The following NCOR2 variants were observed in gnomAD, a reference collection of about 807,000 sequenced individuals.
NCOR2 encodes nuclear receptor corepressor 2.
A neutral mutation model predicts 262.9 loss-of-function variants in NCOR2; 81 were observed. The ratio of observed to expected loss-of-function variants is 0.31; its 90% CI spans 0.26 to 0.37. The LOEUF (loss-of-function observed/expected upper bound fraction) is 0.37, where lower values mean the gene tolerates loss of function less well. NCOR2 is among the 10% of genes least tolerant of loss of function. The pLI, the probability that NCOR2 is intolerant of heterozygous loss-of-function variation, is 1.00. For synonymous variants in NCOR2, 1,659 were observed against 1,559.3 expected (o/e 1.06, Z -1.51); for missense variants, 3,385 against 3,621.4 (o/e 0.93, Z 1.68).
chr12:124,446,360 G>A (rs976788118), intron 7 of NCOR2, among the ~76,000 whole-genome samples: 1 of 152,036 alleles, frequency 6.6e-6, no homozygotes, highest in Non-Finnish European at 1.5e-5. Flanking sequence ...TTGCTTCCTG[G>A]GATAAACTTC....
intron 1 of NCOR2, among the ~76,000 whole-genome samples, chr12:124,516,384 G>C (rs1279171426): frequency 1.3e-5 from 2 of 152,164 alleles, no homozygotes; most frequent in Non-Finnish European, 2.9e-5. Context: ...GGCAGGCATG[G>C]GGGGAGACCT....
At chr12:124,558,814 G>A (rs987327863) in intron 1 of NCOR2, among the ~76,000 whole-genome samples, 2 of 152,116 alleles carry the variant, frequency 1.3e-5, no homozygotes, top group Non-Finnish European at 1.5e-5. Context: ...GCCCCTGAAT[G>A]CCCTTCACTT....
intron 11 of NCOR2, 132 bp from the exon 14 acceptor site, chr12:124,422,687 A>T: frequency 3.1e-6 from 3 of 955,042 alleles, no homozygotes; most frequent in East Asian, 2.9e-5. Context: ...GGAGCAATTA[A>T]GCCCAGGGGG....
At chr12:124,462,669 G>T (rs567001058) in intron 5 of NCOR2, among the ~76,000 whole-genome samples, 1 of 152,354 alleles carries the variant, frequency 6.6e-6, no homozygotes, top group East Asian at 1.9e-4. Context: ...GACGGGGTCT[G>T]AAGCACTGCT....
Position 124,331,906 on chromosome 12 carries a change from C to T in NCOR2, c.6904+413G>A, listed in dbSNP as rs373717755. 3.3e-5 allele frequency: 6 copies of T among 179,310 alleles called. No individual in the cohort carries two copies. The East Asian group carries it at 7.9e-4, about 24-fold the overall frequency. The allele number at this position is 179,310 out of a possible 1,614,324, so 11.1% of individuals were successfully genotyped here. On this transcript the variant is annotated intron_variant, in intron 43 of 46. Coordinates refer to ENST00000405201, the Ensembl canonical transcript of NCOR2. ...ACGTATTCCCTGGTGGATCTGCTAACTGCCAGGCGCTGTGCTAGGGACTGG... is the reference window on the plus strand; with the variant it reads ...ACGTATTCCCTGGTGGATCTGCTAATTGCCAGGCGCTGTGCTAGGGACTGG...
intron 28 of NCOR2, among the ~76,000 whole-genome samples, chr12:124,350,238 T>A (rs1170160349): frequency 6.6e-6 from 1 of 152,156 alleles, no homozygotes; most frequent in South Asian, 2.1e-4. Context: ...ACTCTGGCCA[T>A]GGCCTCTTTC....
exon 20 of NCOR2, chr12:124,372,111 G>C (rs935922536): frequency 6.2e-7 from 1 of 1,602,640 alleles, no homozygotes. Flanking sequence ...CCGAGCTCTT[G>C]GCTGTGGTGG....
In NCOR2 at chr12:124,396,714, C is replaced by T. The variant is rs560000119; in HGVS notation, c.1876+1405G>A. On this transcript the variant is annotated intron_variant, in intron 16 of 46. Coordinates refer to ENST00000405201, the Ensembl canonical transcript of NCOR2. ...ACTGCCCCCGGAGGAGCTCTGAGGG[C>T]GAGGGGCAGGGTCCCGGGGTGAGGG... 4.5e-3 allele frequency among the ~76,000 whole-genome samples: 677 copies of T among 152,006 alleles called. 5 individuals are homozygous for T. Among genetic ancestry groups the T allele is most frequent in the African/African-American group, 0.015 (639 of 41,476 alleles).
intron 16 of NCOR2, among the ~76,000 whole-genome samples, chr12:124,396,891 C>G (rs1460047250): frequency 6.6e-6 from 1 of 152,204 alleles, no homozygotes; most frequent in Non-Finnish European, 1.5e-5. Flanking sequence ...CTATAAAGGG[C>G]CTTTGTTCCC....
At chr12:124,407,272 G>C (rs1199905645) in intron 13 of NCOR2, among the ~76,000 whole-genome samples, 1 of 152,264 alleles carries the variant, frequency 6.6e-6, no homozygotes, top group Non-Finnish European at 1.5e-5. Context: ...GGAGGCGCCG[G>C]TGACGAGGAC....
intron 17 of NCOR2, 126 bp downstream of exon 19, chr12:124,385,619 C>T: frequency 7.1e-7 from 1 of 1,399,754 alleles, no homozygotes; most frequent in East Asian, 2.3e-5. Flanking sequence ...AAGCTGAGTT[C>T]TAACAAGGCG....
intron 18 of NCOR2, among the ~76,000 whole-genome samples, chr12:124,376,740 GA>G (rs1250283085): frequency 6.6e-6 from 1 of 152,234 alleles, no homozygotes; most frequent in African/African-American, 2.4e-5. Context: ...TGGGCTTATG[GA>G]ACCAGGAGGT....
chr12:124,518,312 C>A (rs1395151129), intron 1 of NCOR2: 1 of 152,374 alleles, frequency 6.6e-6, no homozygotes, highest in East Asian at 1.9e-4. Context: ...ACATCAGACC[C>A]ATCCTTCCTC....
chr12:124,469,717 G>A (rs186939047), intron 4 of NCOR2, among the ~76,000 whole-genome samples: 25 of 152,322 alleles, frequency 1.6e-4, no homozygotes, highest in African/African-American at 5.5e-4. Flanking sequence ...TCATAAGGTT[G>A]TTTGGAAGAT....
intron 1 of NCOR2, among the ~76,000 whole-genome samples, chr12:124,564,140 T>C (rs2052158041): frequency 6.6e-6 from 1 of 152,236 alleles, no homozygotes; most frequent in Non-Finnish European, 1.5e-5. Context: ...ATCCACAGCC[T>C]TTTCCAACAT....
At chr12:124,564,567 G>C (rs1831772823) in intron 1 of NCOR2, among the ~76,000 whole-genome samples, 1 of 126,856 alleles carries the variant, frequency 7.9e-6, no homozygotes, top group African/African-American at 3.1e-5. Flanking sequence ...GGCAGCATTT[G>C]TGGGGCTTTT....
At chr12:124,329,051 G>C (rs1356549899) in intron 44 of NCOR2, 8 of 465,392 alleles carry the variant, frequency 1.7e-5, no homozygotes, top group South Asian at 1.2e-4. Context: ...TCCGTGACCT[G>C]ATGGAGCTGG....
intron 16 of NCOR2, among the ~76,000 whole-genome samples, chr12:124,397,124 G>GCCCCACCT (rs1283400885): frequency 4.6e-5 from 7 of 152,198 alleles, no homozygotes; most frequent in Non-Finnish European, 7.3e-5. Flanking sequence ...ACAGGAGCAG[G>GCCCCACCT]CCCCACCTCT....
chr12:124,345,260 G>A (rs1001769847), intron 31 of NCOR2, among the ~76,000 whole-genome samples: 12 of 152,132 alleles, frequency 7.9e-5, no homozygotes, highest in South Asian at 2.1e-4. Flanking sequence ...TGGAGTTTGC[G>A]AGAAAGAAGC....
Sources: allele counts gnomAD v4.1 joint callset (sites outside exome capture counted in the v4.1 genomes callset), GRCh38; gene constraint gnomAD v4.1.1; transcripts MANE v1.5; gene names NCBI Gene and HGNC (gene_info 2026-07-23, HGNC 2026-07-21).